The following CUX2 variants were observed in gnomAD, a reference collection of about 807,000 sequenced individuals.
The protein encoded by CUX2 is homeobox protein cut-like 2.
In CUX2, 40 loss-of-function variants were observed where a neutral mutation model predicts 144.8. That is an observed-to-expected ratio of 0.28 (90% CI 0.21 to 0.36). The LOEUF is 0.36. CUX2 is among the 10% of genes least tolerant of loss of function. CUX2 has a pLI of 1.00. For synonymous variants in CUX2, 827 were observed against 875.6 expected (o/e 0.94, Z 0.98); for missense variants, 1,615 against 1,994.0 (o/e 0.81, Z 3.62).
At chr12:111,131,696 C>A (rs566982905) in intron 1 of CUX2, among the ~76,000 whole-genome samples, 10 of 152,288 alleles carry the variant, frequency 6.6e-5, no homozygotes, top group African/African-American at 2.2e-4. Context: ...CATGCAAGTC[C>A]GAAATCCAGT....
intron 1 of CUX2, among the ~76,000 whole-genome samples, chr12:111,080,081 G>T (rs959158687): frequency 5.9e-5 from 9 of 152,128 alleles, no homozygotes; most frequent in African/African-American, 9.7e-5. Context: ...ATAATATCTG[G>T]CCTTCTTGTT....
intron 1 of CUX2, among the ~76,000 whole-genome samples, chr12:111,158,176 C>G (rs1877517149): frequency 6.6e-6 from 1 of 152,144 alleles, no homozygotes; most frequent in African/African-American, 2.4e-5. Flanking sequence ...CAGGGATAGT[C>G]CCCTTCCCCC....
rs567481950 is a variant in CUX2 at position 111,314,125 on chromosome 12, G to A, written c.2002+1924G>A. On this transcript the variant is annotated intron_variant, in intron 16 of 21. Transcript: ENST00000261726. ...ATCCCCTGAGCCTAATTTCCCTCTT[G>A]GTCAGTTCCAGTAGCAAGAGAGATG... 1.2e-4 allele frequency among the ~76,000 whole-genome samples: 18 copies of A among 152,256 alleles called. No homozygotes were observed. The East Asian group carries it at 2.9e-3, about 24-fold the overall frequency.
rs746118929 is a variant in CUX2, at chr12:111,348,143, G to A, written c.4279G>A (p.Ala1427Thr). Residue 1427 changes from alanine (A) to threonine (T), a missense_variant, in exon 22 of 22, where the codon GCC becomes ACC. Transcript: ENST00000261726. ...TCCCATCTCCCCATCCCCACCTGGC[G>A]CCCCCCCTGCCAAAGTGCCGAGTGC... ...SAPISPSPPGAPPAKVPSASP... is the reference protein window; with the variant it reads ...SAPISPSPPGTPPAKVPSASP... 16 of 1,613,668 alleles carry A rather than the reference G, an allele frequency of 9.9e-6. No homozygotes were observed. The highest frequency in any genetic ancestry group is 2.2e-5 in the East Asian group (1 of 44,874).
intron 1 of CUX2, among the ~76,000 whole-genome samples, chr12:111,164,477 G>C (rs1877994769): frequency 2.6e-5 from 4 of 152,242 alleles, no homozygotes; most frequent in Admixed American, 2.6e-4. Context: ...TTGGGAGGCT[G>C]AGGCAGGAGA....
At chr12:111,183,736 A>G (rs1209468180) in intron 1 of CUX2, among the ~76,000 whole-genome samples, 4 of 152,144 alleles carry the variant, frequency 2.6e-5, no homozygotes, top group Admixed American at 6.5e-5. Context: ...GGTCATACAC[A>G]TCAGTGCTCA....
intron 15 of CUX2, among the ~76,000 whole-genome samples, chr12:111,311,016 C>T (rs1398836658): frequency 1.3e-5 from 2 of 152,238 alleles, no homozygotes; most frequent in Admixed American, 6.5e-5. Flanking sequence ...TTTGTAAGAC[C>T]GCCAACCTTA....
At chr12:111,300,181 A>T (rs933306) in intron 9 of CUX2, among the ~76,000 whole-genome samples, 66,062 of 152,132 alleles carry the variant, frequency 0.43, 19,279 homozygotes, top group East Asian at 0.89. Context: ...AGTGCATTGC[A>T]GCGATCACAG....
intron 2 of CUX2, among the ~76,000 whole-genome samples, chr12:111,216,809 C>T (rs1269594613): frequency 6.6e-6 from 1 of 152,158 alleles, no homozygotes. Flanking sequence ...TCAGGAAAGC[C>T]CTGGGGACCT....
chr12:111,134,620 C>CTGTGTGTGTGTGTGTGTG (rs750270262), intron 1 of CUX2, among the ~76,000 whole-genome samples: 25 of 142,204 alleles, frequency 1.8e-4, no homozygotes, highest in African/African-American at 6.1e-4. Context: ...CTCTCTCTCT[C>CTGTGTGTGTGTGTGTGTG]TGTGTGTGTG....
chr12:111,236,400 G>C (rs764136040), intron 3 of CUX2, among the ~76,000 whole-genome samples: 4 of 152,172 alleles, frequency 2.6e-5, no homozygotes. Flanking sequence ...CAAGCCCCTG[G>C]GATAGGGGTT....
intron 1 of CUX2, among the ~76,000 whole-genome samples, chr12:111,091,945 A>T (rs899366608): frequency 1.2e-4 from 18 of 152,344 alleles, no homozygotes; most frequent in Admixed American, 1.2e-3. Flanking sequence ...TCTCATCTTA[A>T]CATAACTGAT....
chr12:111,336,479 C>T (rs2136437715), intron 19 of CUX2, among the ~76,000 whole-genome samples: 2 of 150,418 alleles, frequency 1.3e-5, no homozygotes, highest in East Asian at 3.9e-4. Flanking sequence ...AGTCTCCTGT[C>T]ACCCAGGCCC....
At chr12:111,337,352 CAAAA>C (rs1197695502) in intron 19 of CUX2, among the ~76,000 whole-genome samples, 1 of 111,468 alleles carries the variant, frequency 9.0e-6, no homozygotes, top group Non-Finnish European at 1.9e-5. Flanking sequence ...GACCCTGTCT[CAAAA>C]AAAAAAAAAA....
chr12:111,102,271 C>T (rs1873301575), intron 1 of CUX2, among the ~76,000 whole-genome samples: 2 of 152,234 alleles, frequency 1.3e-5, no homozygotes, highest in African/African-American at 2.4e-5. Flanking sequence ...GGTTAAATCA[C>T]CCTGGGCAGC....
intron 1 of CUX2, among the ~76,000 whole-genome samples, chr12:111,115,631 C>G (rs1361482822): frequency 1.3e-5 from 2 of 152,050 alleles, no homozygotes; most frequent in African/African-American, 2.4e-5. Context: ...ATGCTCTTCC[C>G]CTGCTTACTC....
At chr12:111,234,499 T>A (rs1043031251) in intron 3 of CUX2, among the ~76,000 whole-genome samples, 56 of 152,100 alleles carry the variant, frequency 3.7e-4, no homozygotes, top group African/African-American at 1.3e-3. Flanking sequence ...GGAACAAATG[T>A]CCCAGGTGTA....
chr12:111,215,447 G>A (rs142049532), intron 2 of CUX2, among the ~76,000 whole-genome samples: 222 of 152,344 alleles, frequency 1.5e-3, no homozygotes, highest in East Asian at 2.9e-3. Flanking sequence ...CAAGGCAAGA[G>A]AAGGGACTAG....
chr12:111,199,422 G>A (rs760116133), intron 1 of CUX2, among the ~76,000 whole-genome samples: 24 of 152,110 alleles, frequency 1.6e-4, no homozygotes, highest in African/African-American at 1.7e-4. Context: ...TCCCCATTGC[G>A]CAGATTAGGA....
Sources: allele counts gnomAD v4.1 joint callset (sites outside exome capture counted in the v4.1 genomes callset), GRCh38; gene constraint gnomAD v4.1.1; transcripts MANE v1.5; gene names NCBI Gene and HGNC (gene_info 2026-07-23, HGNC 2026-07-21).